The following MID1 variants were observed in gnomAD, a reference collection of about 807,000 sequenced individuals.
MID1 encodes the protein midline 1, also known as E3 ubiquitin-protein ligase Midline-1.
MID1 carries 7 observed loss-of-function variants against 40.4 expected under a neutral mutation model. The observed-to-expected ratio is 0.17, with a 90% CI of 0.10 to 0.33. The LOEUF is 0.33. Ranked by LOEUF, MID1 falls within the 10% of genes least tolerant of loss-of-function variation. MID1 has a pLI of 1.00. For synonymous variants in MID1, 229 were observed against 221.2 expected (o/e 1.04, Z -0.31); for missense variants, 367 against 558.5 (o/e 0.66, Z 3.46).
At chrX:10,790,848 T>C (rs1352032732) in intron 1 of MID1, among the ~76,000 whole-genome samples, 2 of 112,175 alleles carry the variant, frequency 1.8e-5, no homozygotes, top group Non-Finnish European at 3.8e-5. Flanking sequence ...CACCAAATCA[T>C]TTTCCCTCTG....
intron 2 of MID1, among the ~76,000 whole-genome samples, chrX:10,523,695 C>T (rs1049649829): frequency 1.8e-5 from 2 of 111,099 alleles, no homozygotes; most frequent in African/African-American, 6.7e-5. Context: ...CCTCATCACA[C>T]ACACATTTGG....
intron 2 of MID1, among the ~76,000 whole-genome samples, chrX:10,534,388 C>T (rs777102776): frequency 8.9e-6 from 1 of 111,984 alleles, no homozygotes; most frequent in South Asian, 3.7e-4. Context: ...GTAGGAAAAC[C>T]AAATCTTTTT....
At chrX:10,581,326 T>C (rs754846120) in intron 1 of MID1, among the ~76,000 whole-genome samples, 4 of 112,554 alleles carry the variant, frequency 3.6e-5, no homozygotes, top group Non-Finnish European at 7.5e-5. Flanking sequence ...CCAGATAACC[T>C]GAGTTCAAAT....
chrX:10,469,424 A>G, intron 7 of MID1: 1 of 1,077,092 alleles, frequency 9.3e-7, no homozygotes, highest in Non-Finnish European at 1.2e-6. Flanking sequence ...ATCTCTCTAT[A>G]TATTTGTTTC....
chrX:10,804,651 A>G (rs139511244), intron 1 of MID1, among the ~76,000 whole-genome samples: 131 of 111,402 alleles, frequency 1.2e-3, no homozygotes, highest in Non-Finnish European at 2.0e-3. Context: ...GAGGGGAAGC[A>G]TTCTATAATC....
intron 1 of MID1, among the ~76,000 whole-genome samples, chrX:10,742,474 T>A (rs771834428): frequency 8.9e-5 from 10 of 112,349 alleles, no homozygotes; most frequent in African/African-American, 2.6e-4. Context: ...CCAAGTTAAA[T>A]CTGCTTTTCT....
chrX:10,728,234 G>A (rs2043411590), intron 1 of MID1, among the ~76,000 whole-genome samples: 2 of 111,037 alleles, frequency 1.8e-5, no homozygotes, highest in African/African-American at 3.3e-5. Flanking sequence ...GCACCTACAA[G>A]AGTTTAGGCA....
intron 1 of MID1, among the ~76,000 whole-genome samples, chrX:10,703,711 G>A (rs1438122259): frequency 8.9e-6 from 1 of 111,859 alleles, no homozygotes; most frequent in Non-Finnish European, 1.9e-5. Context: ...AGCCCTTGAA[G>A]GCAATGTTTA....
At chrX:10,483,392 G>A (rs1388950822) in intron 4 of MID1, among the ~76,000 whole-genome samples, 2 of 111,862 alleles carry the variant, frequency 1.8e-5, no homozygotes, top group African/African-American at 3.3e-5. Flanking sequence ...ATTCTGTCTC[G>A]CTTGAAAATG....
intron 1 of MID1, among the ~76,000 whole-genome samples, chrX:10,616,636 T>C (rs1278920435): frequency 8.9e-6 from 1 of 112,374 alleles, no homozygotes; most frequent in Non-Finnish European, 1.9e-5. Flanking sequence ...AACATGCAAC[T>C]ACCAATTAAC....
At chrX:10,751,851 G>A (rs1224195286) in intron 1 of MID1, among the ~76,000 whole-genome samples, 3 of 111,836 alleles carry the variant, frequency 2.7e-5, no homozygotes, top group Non-Finnish European at 5.6e-5. Flanking sequence ...CCCAGTAGGA[G>A]GTGGATCATG....
intron 1 of MID1, among the ~76,000 whole-genome samples, chrX:10,810,726 T>TGTGTG (rs2044092882): frequency 2.7e-5 from 2 of 74,434 alleles, no homozygotes; most frequent in African/African-American, 1.0e-4. Flanking sequence ...GTGTGTGTGT[T>TGTGTG]TGATAGTAGC....
intron 1 of MID1, among the ~76,000 whole-genome samples, chrX:10,640,746 A>G (rs1403251094): frequency 2.7e-5 from 3 of 111,095 alleles, no homozygotes; most frequent in African/African-American, 9.8e-5. Context: ...TTATTCCAAA[A>G]TTGACCACAT....
At chrX:10,457,803 G>A (rs1410764997) in intron 8 of MID1, among the ~76,000 whole-genome samples, 2 of 112,356 alleles carry the variant, frequency 1.8e-5, no homozygotes, top group Non-Finnish European at 3.8e-5. Context: ...TAACCACATG[G>A]ATCAATTTTC....
intron 1 of MID1, among the ~76,000 whole-genome samples, chrX:10,828,728 C>A (rs1050473193): frequency 3.6e-5 from 4 of 111,558 alleles, no homozygotes; most frequent in Non-Finnish European, 7.5e-5. Context: ...ATTGAGTGGG[C>A]AAAATTACAT....
At chrX:10,471,824 TAGAA>T (rs1306553325) in intron 6 of MID1, among the ~76,000 whole-genome samples, 1 of 112,012 alleles carries the variant, frequency 8.9e-6, no homozygotes, top group African/African-American at 3.2e-5. Flanking sequence ...TACAATTAAA[TAGAA>T]AGAAAACGTA....
chrX:10,513,831 G>A (rs1270124258), intron 3 of MID1, among the ~76,000 whole-genome samples: 1 of 112,174 alleles, frequency 8.9e-6, no homozygotes, highest in Non-Finnish European at 1.9e-5. Context: ...TTTAAAAAAT[G>A]TATCACTACC....
In MID1 at chrX:10,452,713, C is replaced by T. The variant is rs562519073; in HGVS notation, c.1655+2157G>A. ...ATGAAGATTTTTCTGAAATTGACAC[C>T]GTCAGGTTTGTAAAGATTAATTGTG... On this transcript the variant is annotated intron_variant, in intron 9 of 9. Transcript: ENST00000317552. Among the ~76,000 whole-genome samples the T allele has an allele frequency of 8.6e-4, 96 of 111,671 alleles. No individual in the cohort carries two copies. The South Asian group carries it at 0.017, about 19-fold the overall frequency.
At chrX:10,731,271 G>T (rs1196633266) in intron 1 of MID1, among the ~76,000 whole-genome samples, 1 of 111,822 alleles carries the variant, frequency 8.9e-6, no homozygotes, top group East Asian at 2.8e-4. Context: ...CAGTGAAAAG[G>T]CAGAGAGTGT....
Sources: allele counts gnomAD v4.1 joint callset (sites outside exome capture counted in the v4.1 genomes callset), GRCh38; gene constraint gnomAD v4.1.1; transcripts MANE v1.5; gene names NCBI Gene and HGNC (gene_info 2026-07-23, HGNC 2026-07-21).